DCC: variants seen among roughly 807,000 people sequenced by gnomAD.
The protein encoded by DCC is netrin receptor DCC.
Under a neutral mutation model 172.5 loss-of-function variants are expected in DCC, and 58 were observed. The ratio of observed to expected loss-of-function variants is 0.34; its 90% CI spans 0.27 to 0.42. The LOEUF (loss-of-function observed/expected upper bound fraction) is 0.42. Ranked by LOEUF, DCC falls within the 10% of genes least tolerant of loss-of-function variation. DCC has a pLI of 1.00. For synonymous variants in DCC, 709 were observed against 644.5 expected (o/e 1.10, Z -1.52); for missense variants, 1,740 against 1,791.0 (o/e 0.97, Z 0.51).
intron 1 of DCC, among the ~76,000 whole-genome samples, chr18:52,507,286 G>A (rs1269170553): frequency 6.6e-6 from 1 of 152,088 alleles, no homozygotes; most frequent in Non-Finnish European, 1.5e-5. Flanking sequence ...GGACTAAGAT[G>A]TTATTTTTTC....
At chr18:53,013,639 C>G (rs1314877015) in intron 5 of DCC, among the ~76,000 whole-genome samples, 1 of 151,148 alleles carries the variant, frequency 6.6e-6, no homozygotes, top group Non-Finnish European at 1.5e-5. Flanking sequence ...AGCAAACCAC[C>G]ATGACACACG....
At chr18:52,853,999 G>T (rs1245610505) in intron 2 of DCC, among the ~76,000 whole-genome samples, 1 of 152,090 alleles carries the variant, frequency 6.6e-6, no homozygotes, top group Admixed American at 6.6e-5. Context: ...CTCAGTTTTT[G>T]GCAAATAGCT....
At chr18:52,540,087 C>G (rs535489412) in intron 1 of DCC, among the ~76,000 whole-genome samples, 3 of 152,004 alleles carry the variant, frequency 2.0e-5, no homozygotes, top group Non-Finnish European at 4.4e-5. Context: ...TGGGTTTTTT[C>G]ATTTTCTTTA....
chr18:53,448,686 C>T (rs1426557914), intron 22 of DCC, among the ~76,000 whole-genome samples: 2 of 152,092 alleles, frequency 1.3e-5, no homozygotes, highest in Non-Finnish European at 2.9e-5. Flanking sequence ...TGGCAAAACC[C>T]GTCTCTACTA....
intron 5 of DCC, among the ~76,000 whole-genome samples, chr18:52,933,599 ATT>A (rs1433050437): frequency 6.6e-6 from 1 of 152,018 alleles, no homozygotes; most frequent in Non-Finnish European, 1.5e-5. Context: ...GGTCTTGAGT[ATT>A]TTGCTCATGT....
At chr18:52,474,436 A>G (rs1420528742) in intron 1 of DCC, among the ~76,000 whole-genome samples, 1 of 152,146 alleles carries the variant, frequency 6.6e-6, no homozygotes, top group African/African-American at 2.4e-5. Context: ...TGCCTTCTCC[A>G]AGTCCCATTT....
At chr18:53,118,894 C>G (rs1346633129) in intron 7 of DCC, among the ~76,000 whole-genome samples, 1 of 151,724 alleles carries the variant, frequency 6.6e-6, no homozygotes, top group African/African-American at 2.4e-5. Context: ...TAGAATGCTA[C>G]TTTAATTTTT....
chr18:53,448,591 G>T (rs1912777050), intron 22 of DCC, among the ~76,000 whole-genome samples: 1 of 152,166 alleles, frequency 6.6e-6, no homozygotes, highest in South Asian at 2.1e-4. Flanking sequence ...AAATGTGGTG[G>T]CTCACACCTG....
At chr18:53,090,593 C>G (rs1480891359) in intron 7 of DCC, among the ~76,000 whole-genome samples, 2 of 149,202 alleles carry the variant, frequency 1.3e-5, no homozygotes, top group Non-Finnish European at 3.0e-5. Flanking sequence ...ACTCGGCAGG[C>G]TGAGGCAGGA....
intron 1 of DCC, among the ~76,000 whole-genome samples, chr18:52,583,934 C>T (rs1319047466): frequency 1.3e-5 from 2 of 152,190 alleles, no homozygotes; most frequent in African/African-American, 4.8e-5. Context: ...GCATTATTCT[C>T]TTTATGTATT....
intron 1 of DCC, among the ~76,000 whole-genome samples, chr18:52,606,749 G>A (rs958879301): frequency 6.6e-6 from 1 of 152,054 alleles, no homozygotes; most frequent in African/African-American, 2.4e-5. Flanking sequence ...TTTGTAACTG[G>A]CTCAGGACTT....
intron 5 of DCC, among the ~76,000 whole-genome samples, chr18:52,996,015 T>C (rs1487473591): frequency 6.6e-6 from 1 of 151,986 alleles, no homozygotes; most frequent in African/African-American, 2.4e-5. Context: ...TCCAGCTTTG[T>C]TTACCTTTGA....
At chr18:52,766,676 C>T (rs372896163) in intron 2 of DCC, among the ~76,000 whole-genome samples, 39 of 152,036 alleles carry the variant, frequency 2.6e-4, no homozygotes, top group East Asian at 5.8e-4. Context: ...TCCAATCATC[C>T]GGCTGCTTCT....
chr18:52,416,717 A>G (rs140086072), intron 1 of DCC, among the ~76,000 whole-genome samples: 1 of 150,776 alleles, frequency 6.6e-6, no homozygotes, highest in East Asian at 1.9e-4. Flanking sequence ...TTTGTTTTCC[A>G]TTTGCTTGGT....
intron 2 of DCC, among the ~76,000 whole-genome samples, chr18:52,758,271 T>A (rs1012704794): frequency 6.6e-6 from 1 of 152,182 alleles, no homozygotes. Context: ...AATTTGGTAA[T>A]CTTTTATCTT....
At chr18:52,532,230 A>G (rs1470900802) in intron 1 of DCC, among the ~76,000 whole-genome samples, 1 of 152,198 alleles carries the variant, frequency 6.6e-6, no homozygotes, top group Non-Finnish European at 1.5e-5. Flanking sequence ...CTTAGAAAAA[A>G]AGTTCAAAAA....
intron 8 of DCC, among the ~76,000 whole-genome samples, chr18:53,162,169 C>G (rs562032692): frequency 2.6e-5 from 4 of 151,752 alleles, no homozygotes; most frequent in Admixed American, 2.6e-4. Flanking sequence ...CGTGGTGGCA[C>G]GCACCTGTAA....
intron 2 of DCC, among the ~76,000 whole-genome samples, chr18:52,783,058 AG>A (rs1465549347): frequency 2.0e-5 from 3 of 152,086 alleles, no homozygotes; most frequent in Non-Finnish European, 4.4e-5. Context: ...TGTTTCTAAA[AG>A]TATGTGTATG....
At chr18:53,214,144 A>G (rs1329452843) in intron 11 of DCC, among the ~76,000 whole-genome samples, 1 of 152,138 alleles carries the variant, frequency 6.6e-6, no homozygotes, top group Admixed American at 6.5e-5. Flanking sequence ...ATAACATTTT[A>G]TAAATTGTGG....
Sources: gnomAD v4.1 joint callset for allele counts (sites outside exome capture counted in the v4.1 genomes callset) on GRCh38, gnomAD v4.1.1 for gene constraint, MANE v1.5 for transcripts, NCBI Gene and HGNC (gene_info 2026-07-23, HGNC 2026-07-21) for gene names.